ADAMTS2: variants seen among roughly 807,000 people sequenced by gnomAD.
ADAMTS2 encodes ADAM metallopeptidase with thrombospondin type 1 motif 2.
Under a neutral mutation model 123.0 loss-of-function variants are expected in ADAMTS2, and 50 were observed. The ratio of observed to expected loss-of-function variants is 0.41; its 90% CI spans 0.32 to 0.51. The LOEUF is 0.51. Ranked by LOEUF, ADAMTS2 falls within the 20% of genes least tolerant of loss-of-function variation. The pLI is 0.35. For missense variants in ADAMTS2, 1,494 were observed against 1,705.2 expected (o/e 0.88, Z 2.18); for synonymous variants, 678 against 695.4 (o/e 0.98, Z 0.39).
intron 3 of ADAMTS2, among the ~76,000 whole-genome samples, chr5:179,230,736 C>A (rs543618134): frequency 6.6e-6 from 1 of 152,232 alleles, no homozygotes. Context: ...TCAAGGCCTG[C>A]GCAGTGGCTC....
chr5:179,331,832 G>A (rs1302457974), intron 2 of ADAMTS2, among the ~76,000 whole-genome samples: 1 of 152,164 alleles, frequency 6.6e-6, no homozygotes, highest in Non-Finnish European at 1.5e-5. Flanking sequence ...CACCAAACAT[G>A]TGGTTTCCCT....
At chr5:179,208,838 C>G (rs1764782043) in intron 3 of ADAMTS2, among the ~76,000 whole-genome samples, 2 of 152,188 alleles carry the variant, frequency 1.3e-5, no homozygotes. Context: ...GGCAGGTCCT[C>G]AGAGACTCCT....
rs116228222 is a variant in ADAMTS2 at position 179,164,479 on chromosome 5, G to A, written c.976-5600C>T. ...CTGAGAGGCATCAGGGCTGCAGGGC[G>A]GGAGCAATGAGGCAGAGACGGCACC... On this transcript the variant is annotated intron_variant, in intron 5 of 21. Coordinates refer to ENST00000251582, the MANE Select transcript of ADAMTS2 (RefSeq NM_014244.5). 2.8e-3 allele frequency among the ~76,000 whole-genome samples: 424 copies of A among 152,308 alleles called. 1 individual carries two copies. Among genetic ancestry groups the A allele is most frequent in the African/African-American group, 9.3e-3 (388 of 41,572 alleles).
At chr5:179,254,170 T>C (rs991377709) in intron 3 of ADAMTS2, among the ~76,000 whole-genome samples, 6 of 152,222 alleles carry the variant, frequency 3.9e-5, no homozygotes, top group African/African-American at 1.4e-4. Context: ...CGCTGCTGCC[T>C]ATTCTGGAAT....
In ADAMTS2 at chr5:179,136,621, C is replaced by T. The variant is rs1763070732; in HGVS notation, c.1952-579G>A. On this transcript the variant is annotated intron_variant, in intron 12 of 21. Coordinates refer to ENST00000251582, the MANE Select transcript of ADAMTS2 (RefSeq NM_014244.5). ...CCGAGCTTGCAGTGAGCCAAGACTGCGCCACTGCACACTGCACTCCAGCCT... is the reference window on the plus strand; with the variant it reads ...CCGAGCTTGCAGTGAGCCAAGACTGTGCCACTGCACACTGCACTCCAGCCT... 2.7e-5 allele frequency among the ~76,000 whole-genome samples: 4 copies of T among 148,898 alleles called. No homozygotes were observed. In the South Asian group the frequency reaches 6.4e-4, roughly 24 times the overall value.
At chr5:179,176,780 G>A (rs1373789251) in intron 5 of ADAMTS2, among the ~76,000 whole-genome samples, 1 of 152,234 alleles carries the variant, frequency 6.6e-6, no homozygotes. Context: ...CCCCTTGGCG[G>A]GAGACGCAGG....
At chr5:179,239,388 G>C (rs561905595) in intron 3 of ADAMTS2, among the ~76,000 whole-genome samples, 1 of 152,250 alleles carries the variant, frequency 6.6e-6, no homozygotes, top group East Asian at 1.9e-4. Context: ...AGGATCAGCC[G>C]TGCACAGAGC....
At chr5:179,304,960 T>G (rs1424746422) in intron 2 of ADAMTS2, among the ~76,000 whole-genome samples, 1 of 151,414 alleles carries the variant, frequency 6.6e-6, no homozygotes, top group South Asian at 2.1e-4. Context: ...AGAAAAACAG[T>G]GCATTACTTA....
chr5:179,316,283 G>A (rs1460694170), intron 2 of ADAMTS2, among the ~76,000 whole-genome samples: 1 of 152,236 alleles, frequency 6.6e-6, no homozygotes, highest in Non-Finnish European at 1.5e-5. Context: ...AGCCACCGCA[G>A]CAGAGGACAG....
intron 2 of ADAMTS2, among the ~76,000 whole-genome samples, chr5:179,305,582 A>C (rs970765084): frequency 2.0e-5 from 3 of 152,180 alleles, no homozygotes; most frequent in African/African-American, 7.2e-5. Flanking sequence ...AACATGCTCA[A>C]ATAGAAAAAG....
In ADAMTS2 at chr5:179,185,582, C is replaced by T. The variant is rs562117794; in HGVS notation, c.892-4427G>A. On this transcript the variant is annotated intron_variant, in intron 4 of 21. Coordinates refer to ENST00000251582, the MANE Select transcript of ADAMTS2 (RefSeq NM_014244.5). This position sits in a 1 kb window ranked among gnomAD's most constrained non-coding sequence, Gnocchi z 5.9. ...GTGTCCTTCTGAACATTGAGCAGAT[C>T]TAATCCTGCTCCCTGATTTGGGACA... 2.0e-5 allele frequency among the ~76,000 whole-genome samples: 3 copies of T among 152,258 alleles called. No individual in the cohort carries two copies. The East Asian group carries it at 5.8e-4, about 30-fold the overall frequency.
At chr5:179,208,124 C>G (rs978288553) in intron 3 of ADAMTS2, among the ~76,000 whole-genome samples, 1 of 142,336 alleles carries the variant, frequency 7.0e-6, no homozygotes, top group Non-Finnish European at 1.6e-5. Flanking sequence ...CACTGCCTGA[C>G]GCTGGAGTGG....
In ADAMTS2 at chr5:179,126,148, G is replaced by A. The variant is rs753080133; in HGVS notation, c.2618-18C>T. ...CTGGGACCCTGAAGGCAGAGAGCTC[G>A]ACGGGGGTCGGTGGGGCAGCATGCC... On this transcript the variant is annotated intron_variant, in intron 17 of 21. Coordinates refer to ENST00000251582, the MANE Select transcript of ADAMTS2 (RefSeq NM_014244.5). 37 of 1,612,914 alleles carry A rather than the reference G, an allele frequency of 2.3e-5. No homozygotes were observed. Among genetic ancestry groups the A allele is most frequent in the South Asian group, 2.2e-4 (20 of 91,078 alleles).
intron 6 of ADAMTS2, among the ~76,000 whole-genome samples, chr5:179,156,633 C>T (rs1446948840): frequency 1.3e-5 from 2 of 152,238 alleles, no homozygotes; most frequent in Admixed American, 6.5e-5. Flanking sequence ...GCTGGGATTA[C>T]AGGCGTGAGC....
intron 2 of ADAMTS2, among the ~76,000 whole-genome samples, chr5:179,309,487 C>CAGAT (rs1257095552): frequency 6.6e-6 from 1 of 152,158 alleles, no homozygotes; most frequent in East Asian, 1.9e-4. Flanking sequence ...CTGCAGAAAG[C>CAGAT]TGGGGCTGAC....
rs1381952403 is a variant in ADAMTS2 at position 179,177,423 on chromosome 5, A to G, written c.975+3649T>C. ...GGTATAAGGGTCCCATTGACTACGAAAGACACATTGGGTAGATTTCAGAAT... is the reference window on the plus strand; with the variant it reads ...GGTATAAGGGTCCCATTGACTACGAGAGACACATTGGGTAGATTTCAGAAT... On this transcript the variant is annotated intron_variant, in intron 5 of 21. Coordinates refer to ENST00000251582, the MANE Select transcript of ADAMTS2 (RefSeq NM_014244.5). 2.0e-5 allele frequency among the ~76,000 whole-genome samples: 3 copies of G among 152,316 alleles called. No individual in the cohort carries two copies. The East Asian group carries it at 5.8e-4, about 29-fold the overall frequency.
At chr5:179,207,471 A>ACCCAACCCCCCCCCCCCCCCCCCC in intron 4 of ADAMTS2, 42 bp downstream of exon 4, 1 of 1,026,474 alleles carries the variant, frequency 9.7e-7, no homozygotes, top group Non-Finnish European at 1.5e-6. Context: ...CCCCTGGTTG[A>ACCCAACCCCCCCCCCCCCCCCCCC]CCCTCCCCGC....
intron 3 of ADAMTS2, among the ~76,000 whole-genome samples, chr5:179,250,557 T>A (rs1053107479): frequency 2.0e-5 from 3 of 152,136 alleles, no homozygotes; most frequent in Non-Finnish European, 1.5e-5. Context: ...AAACCCACCA[T>A]AAAGGAAAGA....
intron 4 of ADAMTS2, 96 bp downstream of exon 4, chr5:179,207,417 G>A: frequency 7.6e-7 from 1 of 1,310,022 alleles, no homozygotes; most frequent in Non-Finnish European, 1.1e-6. Flanking sequence ...AATCGGCAGA[G>A]CCTCAGGGGA....
Sources: allele counts gnomAD v4.1 joint callset (sites outside exome capture counted in the v4.1 genomes callset), GRCh38; gene constraint gnomAD v4.1.1; non-coding constraint Gnocchi (gnomAD v3.1); transcripts MANE v1.5; gene names NCBI Gene and HGNC (gene_info 2026-07-23, HGNC 2026-07-21).